Variants in ADCY9 observed in about 807,000 individuals in gnomAD.
ADCY9 encodes the protein adenylate cyclase 9.
Under a neutral mutation model 101.5 loss-of-function variants are expected in ADCY9, and 50 were observed. The observed-to-expected ratio is 0.49, with a 90% CI of 0.39 to 0.62. The LOEUF (loss-of-function observed/expected upper bound fraction) is 0.62, where lower values mean the gene tolerates loss of function less well. ADCY9 is among the 20% of genes least tolerant of loss of function. The pLI is 0.00. For missense variants in ADCY9, 1,662 were observed against 1,800.4 expected (o/e 0.92, Z 1.39); for synonymous variants, 905 against 769.3 (o/e 1.18, Z -2.92).
At chr16:4,058,996 A>G (rs972998023) in intron 2 of ADCY9, among the ~76,000 whole-genome samples, 3 of 152,230 alleles carry the variant, frequency 2.0e-5, no homozygotes, top group Non-Finnish European at 4.4e-5. Flanking sequence ...AACAGTGGCT[A>G]TCTTTAAGGG....
In ADCY9 at chr16:4,045,594, T is replaced by TAAAAA. The variant is rs545715002; in HGVS notation, c.1694-38041_1694-38037dup. On this transcript the variant is annotated intron_variant, in intron 2 of 10. Transcript: ENST00000294016. ...TGGGCAACAGAGCAAGACTCTGCCT[T>TAAAAA]AAAAAAAAAAAAAAAAAAAAAAAAA... Among the ~76,000 whole-genome samples the TAAAAA allele has an allele frequency of 1.3e-3, 83 of 64,888 alleles. 1 individual carries two copies. Among genetic ancestry groups the TAAAAA allele is most frequent in the Non-Finnish European group, 1.7e-3 (59 of 35,642 alleles). The allele number at this position is 64,888 out of a possible 152,430, so 42.6% of individuals were successfully genotyped here. A position where few individuals can be genotyped will look rare whatever the true frequency, so the allele number is the denominator to read the frequency against.
intron 2 of ADCY9, among the ~76,000 whole-genome samples, chr16:4,078,614 T>C (rs2056883228): frequency 6.6e-6 from 1 of 150,594 alleles, no homozygotes; most frequent in Non-Finnish European, 1.5e-5. Context: ...AAATATAGGT[T>C]AATATTTTAC....
intron 2 of ADCY9, among the ~76,000 whole-genome samples, chr16:4,091,855 G>T (rs1282037669): frequency 6.6e-6 from 1 of 152,214 alleles, no homozygotes; most frequent in Non-Finnish European, 1.5e-5. Context: ...TCCTTCTAGG[G>T]GTGATGAAAA....
Position 3,992,124 on chromosome 16 carries a change from T to C in ADCY9, c.2207+22A>G, listed in dbSNP as rs946249323. ...GCTTCTGCCTGCAACCTTTGCTTTT[T>C]CCCAGACAGCCCCAGTCGTACCTGT... On this transcript the variant is annotated intron_variant, in intron 5 of 10. Coordinates refer to ENST00000294016, the MANE Select transcript of ADCY9 (RefSeq NM_001116.4). The surrounding 1 kb of genome is among the most constrained non-coding windows in gnomAD (Gnocchi z 4.2). The C allele has an allele frequency of 6.2e-7, 1 of 1,610,784 alleles. No individual in the cohort carries two copies. Among genetic ancestry groups the C allele is most frequent in the Non-Finnish European group, 8.5e-7 (1 of 1,177,430 alleles).
At chr16:4,102,511 C>T (rs567983518) in intron 2 of ADCY9, among the ~76,000 whole-genome samples, 6 of 152,254 alleles carry the variant, frequency 3.9e-5, no homozygotes, top group Middle Eastern at 3.4e-3. Flanking sequence ...CCGCAACCTC[C>T]GCCTCCTGGA....
rs993217421 is a variant in ADCY9, at chr16:4,115,944, T to A, written c.-298A>T. ...CCATCCTGCAGGAGCCGCGCTCCGA[T>A]GCGTCAAAGGCGGCGCGCGGCCGGC... On this transcript the variant is annotated 5_prime_UTR_variant, in exon 1 of 11. Transcript: ENST00000294016. This position sits in a 1 kb window ranked among gnomAD's most constrained non-coding sequence, Gnocchi z 6.2. The A allele has an allele frequency of 2.8e-6, 1 of 359,776 alleles. No individual in the cohort carries two copies. The highest frequency in any genetic ancestry group is 2.3e-5 in the African/African-American group (1 of 42,772). The allele number at this position is 359,776 out of a possible 1,614,324, so 22.3% of individuals were successfully genotyped here.
chr16:4,063,359 A>G (rs1303098025), intron 2 of ADCY9, among the ~76,000 whole-genome samples: 1 of 152,100 alleles, frequency 6.6e-6, no homozygotes, highest in Non-Finnish European at 1.5e-5. Context: ...TTAGGGAGAA[A>G]TTTATAATGT....
chr16:4,074,952 G>T (rs1471788910), intron 2 of ADCY9, among the ~76,000 whole-genome samples: 2 of 152,084 alleles, frequency 1.3e-5, no homozygotes, highest in African/African-American at 4.8e-5. Context: ...GAGGCAGGAG[G>T]ATCGCTTGAG....
intron 2 of ADCY9, among the ~76,000 whole-genome samples, chr16:4,022,677 C>G: frequency 6.6e-6 from 1 of 151,224 alleles, no homozygotes; most frequent in East Asian, 1.9e-4. Flanking sequence ...GCTTGTAATC[C>G]CCGCAATTTG....
downstream of ADCY9, among the ~76,000 whole-genome samples, chr16:3,959,162 A>G (rs1261416901): frequency 6.6e-6 from 1 of 152,000 alleles, no homozygotes; most frequent in Non-Finnish European, 1.5e-5. Context: ...GGAATTTGAG[A>G]CCAGCCTGAG....
chr16:4,034,560 C>G lies in ADCY9; in HGVS notation c.1694-27002G>C, dbSNP rs2056577215. On this transcript the variant is annotated intron_variant, in intron 2 of 10. Coordinates refer to ENST00000294016, the MANE Select transcript of ADCY9 (RefSeq NM_001116.4). ...GAGTAGCTGGGATTACAGGCACCTG[C>G]CACCAGGCCCAGCTAATTTTTGTAT... 2.6e-5 allele frequency among the ~76,000 whole-genome samples: 4 copies of G among 152,242 alleles called. No homozygotes were observed. The South Asian group carries it at 8.3e-4, about 32-fold the overall frequency.
intron 2 of ADCY9, among the ~76,000 whole-genome samples, chr16:4,065,923 C>T (rs939273417): frequency 7.2e-5 from 11 of 152,268 alleles, no homozygotes; most frequent in Admixed American, 3.9e-4. Context: ...AGGCTGGTCT[C>T]GAACTCCTGA....
Position 3,966,324 on chromosome 16 carries a change from G to A in ADCY9, c.3513C>T (p.Pro1171=), listed in dbSNP as rs1442769940. The change falls in exon 11 of 11, where the codon CCC becomes CCT. Residue 1171 remains proline, a synonymous_variant. Transcript: ENST00000294016. Reference sequence around the variant, plus strand: ...TGGTGCCGATGACCCCGGCCGTGAGGGGCCCATGGTTGAAGCCGACGCGGA... The same window carrying A: ...TGGTGCCGATGACCCCGGCCGTGAGAGGCCCATGGTTGAAGCCGACGCGGA... ...FKLRVGFNHG[P]LTAGVIGTTK... 3 of 1,613,968 alleles carry A rather than the reference G, an allele frequency of 1.9e-6. No individual in the cohort carries two copies. Among genetic ancestry groups the A allele is most frequent in the Non-Finnish European group, 2.5e-6 (3 of 1,180,048 alleles).
chr16:4,050,860 G>A (rs2141148747), intron 2 of ADCY9, among the ~76,000 whole-genome samples: 1 of 152,252 alleles, frequency 6.6e-6, no homozygotes, highest in African/African-American at 2.4e-5. Context: ...GGGCTTATTG[G>A]AGAAATGGCT....
At chr16:4,047,875 T>A (rs2056676192) in intron 2 of ADCY9, among the ~76,000 whole-genome samples, 1 of 152,228 alleles carries the variant, frequency 6.6e-6, no homozygotes, top group Admixed American at 6.5e-5. Context: ...TGTTGTTTTC[T>A]CATTGCAGTC....
intron 2 of ADCY9, among the ~76,000 whole-genome samples, chr16:4,034,414 T>C (rs1317164110): frequency 6.6e-6 from 1 of 152,136 alleles, no homozygotes; most frequent in Non-Finnish European, 1.5e-5. Context: ...AAAGTCCTTT[T>C]ATGAACTTTT....
At chr16:3,978,896 T>C (rs1006581409) in intron 8 of ADCY9, among the ~76,000 whole-genome samples, 4 of 152,054 alleles carry the variant, frequency 2.6e-5, no homozygotes, top group African/African-American at 9.7e-5. Flanking sequence ...ATTGTATTTT[T>C]AGTAGAGACG....
chr16:4,062,125 C>T (rs2056777022), intron 2 of ADCY9, among the ~76,000 whole-genome samples: 1 of 152,122 alleles, frequency 6.6e-6, no homozygotes, highest in East Asian at 1.9e-4. Flanking sequence ...TTGAAACCAG[C>T]CTGGGCAACA....
chr16:4,069,374 T>C (rs1207058213), intron 2 of ADCY9, among the ~76,000 whole-genome samples: 3 of 151,846 alleles, frequency 2.0e-5, no homozygotes, highest in Admixed American at 2.0e-4. Context: ...TCCCGGTTCC[T>C]TGGTTGTAAA....
Sources: allele counts gnomAD v4.1 joint callset (sites outside exome capture counted in the v4.1 genomes callset), GRCh38; gene constraint gnomAD v4.1.1; non-coding constraint Gnocchi (gnomAD v3.1); transcripts MANE v1.5; gene names NCBI Gene and HGNC (gene_info 2026-07-23, HGNC 2026-07-21).